The following HS3ST3A1 variants were observed in gnomAD, a reference collection of about 807,000 sequenced individuals.
HS3ST3A1 encodes the protein heparan sulfate-glucosamine 3-sulfotransferase 3A1.
HS3ST3A1 carries 19 observed loss-of-function variants against 25.7 expected under a neutral mutation model. That is an observed-to-expected ratio of 0.74 (90% CI 0.52 to 1.08). The LOEUF (loss-of-function observed/expected upper bound fraction) is 1.08. HS3ST3A1 is among the 50% of genes least tolerant of loss of function. HS3ST3A1 has a pLI of 0.00. For missense variants in HS3ST3A1, 459 were observed against 594.3 expected (o/e 0.77, Z 2.37); for synonymous variants, 226 against 278.6 (o/e 0.81, Z 1.88).
At chr17:13,548,516 T>C (rs943282277) in intron 1 of HS3ST3A1, among the ~76,000 whole-genome samples, 2 of 152,186 alleles carry the variant, frequency 1.3e-5, no homozygotes, top group African/African-American at 4.8e-5. Flanking sequence ...TCTTAATATC[T>C]TAGATAGTGT....
chr17:13,511,450 C>G (rs1905858034), intron 1 of HS3ST3A1, among the ~76,000 whole-genome samples: 2 of 152,214 alleles, frequency 1.3e-5, no homozygotes, highest in Admixed American at 6.5e-5. Context: ...TGCTTCCTAT[C>G]AGAGAGCATG....
chr17:13,547,944 CAAAA>C (rs750200323), intron 1 of HS3ST3A1, among the ~76,000 whole-genome samples: 2 of 53,384 alleles, frequency 3.7e-5, no homozygotes. Flanking sequence ...TGGTGTGAGC[CAAAA>C]AAAAAAAAAA....
At position 13,496,204 on chromosome 17, in the gene HS3ST3A1, T is replaced by C; in HGVS notation, c.1214A>G (p.Asp405Gly). The C allele has an allele frequency of 6.2e-7, 1 of 1,601,658 alleles. No individual in the cohort carries two copies. The highest frequency in any genetic ancestry group is 8.5e-7 in the Non-Finnish European group (1 of 1,173,716). ...TCTTTTTAAATTATATGGTTATCCATCCCAGCCAAAGTCGTGCCCGGTCAT... is the reference window on the plus strand; with the variant it reads ...TCTTTTTAAATTATATGGTTATCCACCCCAGCCAAAGTCGTGCCCGGTCAT... ...YQMTGHDFGW[D>G]G The change falls in exon 2 of 2, where the codon GAT becomes GGT. Residue 405 changes from aspartate to glycine, a missense_variant. Physicochemically the swap from Asp to Gly is moderately conservative, Grantham distance 94. This residue lies in a region of HS3ST3A1 where 46 missense variants were observed against 59.0 expected (regional missense o/e 0.78). Coordinates refer to ENST00000284110, the MANE Select transcript of HS3ST3A1 (RefSeq NM_006042.3).
intron 1 of HS3ST3A1, among the ~76,000 whole-genome samples, chr17:13,579,698 C>A (rs1908049552): frequency 3.7e-5 from 3 of 80,342 alleles, no homozygotes; most frequent in African/African-American, 5.3e-5. Context: ...CAGACTCCAT[C>A]TCCAAAAAAA....
intron 1 of HS3ST3A1, among the ~76,000 whole-genome samples, chr17:13,544,721 G>A (rs1426518630): frequency 6.6e-6 from 1 of 151,190 alleles, no homozygotes; most frequent in Non-Finnish European, 1.5e-5. Flanking sequence ...TGGGTGGTGG[G>A]ATAAGCAAAG....
At chr17:13,559,080 A>C (rs1203303406) in intron 1 of HS3ST3A1, among the ~76,000 whole-genome samples, 2 of 152,234 alleles carry the variant, frequency 1.3e-5, no homozygotes, top group Non-Finnish European at 2.9e-5. Context: ...CTCATGGGGA[A>C]ATTGTAACAA....
chr17:13,523,631 G>C (rs886634042), intron 1 of HS3ST3A1, among the ~76,000 whole-genome samples: 1 of 152,094 alleles, frequency 6.6e-6, no homozygotes, highest in Non-Finnish European at 1.5e-5. Flanking sequence ...ACAGAAAATA[G>C]ATAAGAGTTA....
chr17:13,553,242 G>A (rs1907288493), intron 1 of HS3ST3A1, among the ~76,000 whole-genome samples: 1 of 152,196 alleles, frequency 6.6e-6, no homozygotes, highest in Non-Finnish European at 1.5e-5. Flanking sequence ...GTTGAGGAGA[G>A]GTGTTCTGTA....
intron 1 of HS3ST3A1, among the ~76,000 whole-genome samples, chr17:13,565,755 T>G (rs1225524726): frequency 6.6e-6 from 1 of 152,216 alleles, no homozygotes; most frequent in Non-Finnish European, 1.5e-5. Context: ...CCTTCTGGAT[T>G]CAGTCTTTCT....
chr17:13,597,679 A>G (rs1908615009), intron 1 of HS3ST3A1, among the ~76,000 whole-genome samples: 1 of 152,066 alleles, frequency 6.6e-6, no homozygotes, highest in Non-Finnish European at 1.5e-5. Context: ...AGTGAGAATA[A>G]TTTTCTTTCT....
intron 1 of HS3ST3A1, among the ~76,000 whole-genome samples, chr17:13,593,414 A>G (rs567023646): frequency 6.6e-6 from 1 of 152,286 alleles, no homozygotes; most frequent in East Asian, 1.9e-4. Flanking sequence ...CTGCCATAGA[A>G]GACAGAAAGA....
chr17:13,526,772 C>A (rs190551146), intron 1 of HS3ST3A1, among the ~76,000 whole-genome samples: 29 of 151,882 alleles, frequency 1.9e-4, no homozygotes, highest in African/African-American at 6.8e-4. Flanking sequence ...CTCAGCCTCC[C>A]GAGTAGCTGG....
At chr17:13,526,052 C>A (rs1906404699) in intron 1 of HS3ST3A1, among the ~76,000 whole-genome samples, 1 of 151,984 alleles carries the variant, frequency 6.6e-6, no homozygotes, top group African/African-American at 2.4e-5. Context: ...CAGGCACCAA[C>A]CTTGCCATCT....
At chr17:13,588,910 G>A (rs1281629420) in intron 1 of HS3ST3A1, among the ~76,000 whole-genome samples, 1 of 152,024 alleles carries the variant, frequency 6.6e-6, no homozygotes, top group Admixed American at 6.6e-5. Flanking sequence ...GGTCTTGACC[G>A]TCTCGGCCTC....
At chr17:13,561,744 C>A (rs565743152) in intron 1 of HS3ST3A1, among the ~76,000 whole-genome samples, 10 of 152,236 alleles carry the variant, frequency 6.6e-5, no homozygotes, top group African/African-American at 2.4e-4. Flanking sequence ...TCCCACCAGG[C>A]TGGAGACACT....
intron 1 of HS3ST3A1, among the ~76,000 whole-genome samples, chr17:13,521,571 C>T (rs529807351): frequency 1.6e-4 from 24 of 152,268 alleles, no homozygotes; most frequent in African/African-American, 5.5e-4. Flanking sequence ...GAGAGGCATT[C>T]GTTAACGTTT....
chr17:13,554,153 C>T (rs1295415053), intron 1 of HS3ST3A1, among the ~76,000 whole-genome samples: 1 of 152,140 alleles, frequency 6.6e-6, no homozygotes, highest in African/African-American at 2.4e-5. Flanking sequence ...TTCGATTGTA[C>T]CTTTTTTCTG....
chr17:13,587,680 A>G lies in HS3ST3A1; in HGVS notation c.599+12851T>C, dbSNP rs114263755. ...GAGAGCAGGGGATGATTTATAAACT[A>G]AACACACTCAAGTACAAAGTCAAGG... On this transcript the variant is annotated intron_variant, in intron 1 of 1. Coordinates refer to ENST00000284110, the MANE Select transcript of HS3ST3A1 (RefSeq NM_006042.3). Among the ~76,000 whole-genome samples the G allele has an allele frequency of 2.0e-3, 300 of 152,298 alleles. 2 individuals carry two copies. The highest frequency in any genetic ancestry group is 6.6e-3 in the African/African-American group (275 of 41,566).
intron 1 of HS3ST3A1, among the ~76,000 whole-genome samples, chr17:13,568,473 T>A (rs2142371252): frequency 6.6e-6 from 1 of 152,294 alleles, no homozygotes; most frequent in South Asian, 2.1e-4. Context: ...TCCTATTGAG[T>A]TTTTAACTTC....
Sources: gnomAD v4.1 joint callset for allele counts (sites outside exome capture counted in the v4.1 genomes callset) on GRCh38, gnomAD v4.1.1 for gene constraint, gnomAD v4.1.1 regional missense constraint, MANE v1.5 for transcripts, NCBI Gene and HGNC (gene_info 2026-07-23, HGNC 2026-07-21) for gene names.